Variants in SH2D2A observed in about 807,000 individuals in gnomAD.
SH2D2A encodes SH2 domain containing 2A.
In SH2D2A, 33 loss-of-function variants were observed where a neutral mutation model predicts 43.6. That is an observed-to-expected ratio of 0.76 (90% CI 0.57 to 1.01). The LOEUF (loss-of-function observed/expected upper bound fraction) is 1.01. Among genes scored for constraint, SH2D2A ranks in the 50% least tolerant of loss-of-function variants. The pLI, the probability that SH2D2A is intolerant of heterozygous loss-of-function variation, is 0.00. For missense variants in SH2D2A, 491 were observed against 503.1 expected, an observed-to-expected ratio of 0.98 and a Z score of 0.23; for synonymous variants, 212 against 206.1, an observed-to-expected ratio of 1.03 and a Z score of -0.25.
rs1558062388 is a variant in SH2D2A at position 156,809,469 on chromosome 1, T to C, written c.736A>G (p.Lys246Glu). The C allele has an allele frequency of 6.2e-7, 1 of 1,608,084 alleles. No individual in the cohort carries two copies. Among genetic ancestry groups the C allele is most frequent in the Admixed American group, 1.7e-5 (1 of 59,870 alleles). Reference sequence around the variant, plus strand: ...TGAGGTTTGGCGGGGATGGGAGGCTTGGGCCTGAGCAGCTGGGAGGGCTGG... The same window carrying C: ...TGAGGTTTGGCGGGGATGGGAGGCTCGGGCCTGAGCAGCTGGGAGGGCTGG... ...EKEPSQLLRP[K>E]PPIPAKPQLP... The change falls in exon 7 of 9, where the codon AAG (lysine) becomes GAG (glutamate). Residue 246 changes from lysine to glutamate, a missense_variant. Physicochemically the swap from Lys to Glu is moderately conservative, Grantham distance 56 (BLOSUM62 1). Transcript: ENST00000368199. This position sits in a 1 kb window ranked among gnomAD's most constrained non-coding sequence, Gnocchi z 4.8.
chr1:156,815,408 T>G (rs1184275087), intron 2 of SH2D2A, 187 bp from the exon 3 acceptor site: 1 of 578,204 alleles, frequency 1.7e-6, no homozygotes. Context: ...CTGTTCTGGC[T>G]TCCAGAGACT....
chr1:156,809,939 T>G lies in SH2D2A; in HGVS notation c.568-132A>C. ...AGGAGCACAGAAATTTGGCCTGGGCTGGGTTCCCTGGATGAGGAAGAGGGG... is the reference window on the plus strand; with the variant it reads ...AGGAGCACAGAAATTTGGCCTGGGCGGGGTTCCCTGGATGAGGAAGAGGGG... On this transcript the variant is annotated intron_variant, in intron 5 of 8. Coordinates refer to ENST00000368199, the MANE Select transcript of SH2D2A (RefSeq NM_003975.4). This position sits in a 1 kb window ranked among gnomAD's most constrained non-coding sequence, Gnocchi z 4.8. 3.2e-6 allele frequency: 3 copies of G among 928,102 alleles called. No homozygotes were observed. The highest frequency in any genetic ancestry group is 4.9e-6 in the Non-Finnish European group (3 of 609,740). The allele number at this position is 928,102 out of a possible 1,614,324, so 57.5% of individuals were successfully genotyped here. A position where few individuals can be genotyped will look rare whatever the true frequency, so the allele number is the denominator to read the frequency against.
chr1:156,815,904 C>T, intron 2 of SH2D2A, 102 bp downstream of exon 2: 1 of 1,612,824 alleles, frequency 6.2e-7, no homozygotes, highest in South Asian at 1.1e-5. Flanking sequence ...TCATTCCTGC[C>T]TTCTCTTGGA....
intron 1 of SH2D2A, among the ~76,000 whole-genome samples, chr1:156,816,423 C>T (rs1571631087): frequency 6.6e-6 from 1 of 152,224 alleles, no homozygotes; most frequent in South Asian, 2.1e-4. Flanking sequence ...GCCTCCTTCT[C>T]CCTTCATCCT....
chr1:156,814,738 G>C (rs996479275), intron 3 of SH2D2A: 29 of 415,618 alleles, frequency 7.0e-5, no homozygotes, highest in Non-Finnish European at 1.2e-4. Flanking sequence ...AGCCTGGAGG[G>C]AGAGAGAGGT....
At chr1:156,814,129 C>T (rs1653647142) in intron 4 of SH2D2A, 76 bp downstream of exon 4, 2 of 1,580,518 alleles carry the variant, frequency 1.3e-6, no homozygotes, top group Admixed American at 1.7e-5. Context: ...AGCCCGGCTC[C>T]TCACGGGATC....
At chr1:156,815,493 G>C in intron 2 of SH2D2A, 1 of 592,174 alleles carries the variant, frequency 1.7e-6, no homozygotes, top group Non-Finnish European at 3.0e-6. Flanking sequence ...GCTCTAGGAG[G>C]GGCGGGAAAG....
chr1:156,807,026 C>A lies in SH2D2A; in HGVS notation c.*3+149G>T. ...TGGCATGCAAGATGACACCTCTTTG[C>A]CATCCTTGCAATAGATGATGGCTGA... is the stretch of plus-strand genomic sequence containing the variant. On this transcript the variant is annotated intron_variant, in intron 8 of 8. Transcript: ENST00000368199. This position sits in a 1 kb window ranked among gnomAD's most constrained non-coding sequence, Gnocchi z 5.1. 1.3e-6 allele frequency: 1 copy of A among 769,264 alleles called. No homozygotes were observed. Among genetic ancestry groups the A allele is most frequent in the South Asian group, 1.6e-5 (1 of 60,728 alleles). 47.7% of individuals were successfully genotyped at this position (769,264 alleles called of 1,614,324 possible).
At chr1:156,814,524 C>T in intron 3 of SH2D2A, 2 of 701,732 alleles carry the variant, frequency 2.9e-6, no homozygotes, top group Non-Finnish European at 4.5e-6. Flanking sequence ...CCGCATCCTC[C>T]CCTGGCCTCA....
Position 156,809,546 on chromosome 1 carries a change from C to G in SH2D2A, c.715-56G>C. On this transcript the variant is annotated intron_variant, in intron 6 of 8. Transcript: ENST00000368199. The surrounding 1 kb of genome is among the most constrained non-coding windows in gnomAD (Gnocchi z 4.8). The stretch of plus-strand genomic sequence containing the variant: ...GGGGTGAGGGAGGCAGGGTTAAAGC[C>G]CCAGCCTAACTCCCAGCCTGAGCCT... 1 of 1,556,956 alleles carries G rather than the reference C, an allele frequency of 6.4e-7. No homozygotes were observed. The highest frequency in any genetic ancestry group is 1.8e-5 in the Admixed American group (1 of 54,520).
At chr1:156,814,174 G>T in intron 4 of SH2D2A, 31 bp downstream of exon 4, 2 of 1,612,252 alleles carry the variant, frequency 1.2e-6, no homozygotes, top group South Asian at 2.2e-5. Flanking sequence ...GCCCCGCCTT[G>T]TGTCGCCCGG....
In SH2D2A at chr1:156,809,291, T is replaced by C; in HGVS notation, c.914A>G (p.Tyr305Cys). ...TAGGCCCTCATCTTCCACTTCCACA[T>C]AGATGTTGCTGGGGGCTTCCCCAGG... ...GSPGEAPSNIYVEVEDEGLPA... is the reference protein window; with the variant it reads ...GSPGEAPSNICVEVEDEGLPA... The change falls in exon 7 of 9, where the codon TAT (tyrosine) becomes TGT (cysteine). Residue 305 changes from tyrosine to cysteine, a missense_variant. Coordinates refer to ENST00000368199, the MANE Select transcript of SH2D2A (RefSeq NM_003975.4). This position sits in a 1 kb window ranked among gnomAD's most constrained non-coding sequence, Gnocchi z 4.8. The C allele has an allele frequency of 6.2e-7, 1 of 1,614,020 alleles. No individual in the cohort carries two copies. The highest frequency in any genetic ancestry group is 8.5e-7 in the Non-Finnish European group (1 of 1,179,954).
intron 5 of SH2D2A, among the ~76,000 whole-genome samples, chr1:156,813,008 TCA>T (rs1379761820): frequency 1.3e-5 from 2 of 152,292 alleles, no homozygotes; most frequent in Non-Finnish European, 1.5e-5. Flanking sequence ...TCTTCTTGAA[TCA>T]CAGTCTCCAC....
At position 156,809,061 on chromosome 1, in the gene SH2D2A, A is replaced by T. The variant is rs976235074; in HGVS notation, c.1002+142T>A. The T allele has an allele frequency of 2.6e-5, 22 of 862,142 alleles. No individual in the cohort carries two copies. Among genetic ancestry groups the T allele is most frequent in the Non-Finnish European group, 3.8e-5 (21 of 559,470 alleles). 53.4% of individuals were successfully genotyped at this position (862,142 alleles called of 1,614,324 possible). A position where few individuals can be genotyped will look rare whatever the true frequency, so the allele number is the denominator to read the frequency against. On this transcript the variant is annotated intron_variant, in intron 7 of 8. Coordinates refer to ENST00000368199, the MANE Select transcript of SH2D2A (RefSeq NM_003975.4). The surrounding 1 kb of genome is among the most constrained non-coding windows in gnomAD (Gnocchi z 4.8). ...CTGGAGAAGGGAGGCTGGTGCCTGG[A>T]TCATTCTGTTCTTCCCACATCACCT...
chr1:156,810,886 G>A (rs1044628917), intron 5 of SH2D2A, among the ~76,000 whole-genome samples: 5 of 152,142 alleles, frequency 3.3e-5, no homozygotes, highest in Admixed American at 6.5e-5. Context: ...GGATGGTTCC[G>A]TCTCACAGAG....
Position 156,807,476 on chromosome 1 carries a change from T to A in SH2D2A, c.1003-131A>T. The stretch of plus-strand genomic sequence containing the variant: ...GGGTATCTAAACTCCTCTCATTCAT[T>A]AATTCAACAAACATCTCCTGAGCAC... On this transcript the variant is annotated intron_variant, in intron 7 of 8. Coordinates refer to ENST00000368199, the MANE Select transcript of SH2D2A (RefSeq NM_003975.4). This position sits in a 1 kb window ranked among gnomAD's most constrained non-coding sequence, Gnocchi z 5.1. The A allele has an allele frequency of 1.4e-6, 1 of 740,160 alleles. No homozygotes were observed. The highest frequency in any genetic ancestry group is 2.1e-6 in the Non-Finnish European group (1 of 472,814). 45.8% of individuals were successfully genotyped at this position (740,160 alleles called of 1,614,324 possible).
At chr1:156,813,792 G>T (rs1480130409) in intron 5 of SH2D2A, 56 bp downstream of exon 5, 5 of 1,349,398 alleles carry the variant, frequency 3.7e-6, no homozygotes, top group Non-Finnish European at 4.8e-6. Flanking sequence ...GGCTCTGAGC[G>T]GGAGGGGCGC....
intron 4 of SH2D2A, 75 bp from the exon 5 acceptor site, chr1:156,814,091 C>T: frequency 6.6e-7 from 1 of 1,505,702 alleles, no homozygotes; most frequent in Admixed American, 2.0e-5. Context: ...GTGATCCCCA[C>T]CTTCAGCAGC....
At chr1:156,815,866 T>C in intron 2 of SH2D2A, 140 bp downstream of exon 2, 1 of 1,614,152 alleles carries the variant, frequency 6.2e-7, no homozygotes, top group South Asian at 1.1e-5. Flanking sequence ...TCTCTCTCTC[T>C]GTGCCCCAGC....
Sources: allele counts gnomAD v4.1 joint callset (sites outside exome capture counted in the v4.1 genomes callset), GRCh38; gene constraint gnomAD v4.1.1; non-coding constraint Gnocchi (gnomAD v3.1); transcripts MANE v1.5; gene names NCBI Gene and HGNC (gene_info 2026-07-23, HGNC 2026-07-21).